Variants in FRMPD4 observed in about 807,000 individuals in gnomAD.
FRMPD4 encodes the protein FERM and PDZ domain-containing protein 4.
A neutral mutation model predicts 94.1 loss-of-function variants in FRMPD4; 22 were observed. That is an observed-to-expected ratio of 0.23 (90% CI 0.17 to 0.33). The LOEUF (loss-of-function observed/expected upper bound fraction) is 0.33, where lower values mean the gene tolerates loss of function less well. Ranked by LOEUF, FRMPD4 falls within the 10% of genes least tolerant of loss-of-function variation. FRMPD4 has a pLI of 1.00. For missense variants in FRMPD4, 1,111 were observed against 1,339.9 expected (o/e 0.83, Z 2.67); for synonymous variants, 631 against 548.6 (o/e 1.15, Z -2.10).
chrX:11,901,130 G>A (rs2053935121), intron 3 of FRMPD4, among the ~76,000 whole-genome samples: 1 of 111,720 alleles, frequency 9.0e-6, no homozygotes, highest in Non-Finnish European at 1.9e-5. Context: ...AGTTTTGGGG[G>A]TACAGGTGGT....
intron 1 of FRMPD4, among the ~76,000 whole-genome samples, chrX:12,414,833 C>T (rs1171763872): frequency 8.9e-6 from 1 of 111,951 alleles, no homozygotes; most frequent in African/African-American, 3.2e-5. Context: ...GTCATTTTCC[C>T]AAGTTGGTTA....
chrX:12,196,885 A>G (rs1417188490), intron 1 of FRMPD4, among the ~76,000 whole-genome samples: 1 of 84,073 alleles, frequency 1.2e-5, no homozygotes, highest in Non-Finnish European at 2.4e-5. Context: ...CTAGAATGTG[A>G]ATATATAAGA....
At chrX:11,908,721 T>C (rs1387608709) in intron 3 of FRMPD4, among the ~76,000 whole-genome samples, 2 of 112,003 alleles carry the variant, frequency 1.8e-5, no homozygotes, top group Non-Finnish European at 3.8e-5. Context: ...GTTCACTAGT[T>C]TTTCATGAAT....
At chrX:12,482,611 A>C (rs1488851188) in intron 1 of FRMPD4, among the ~76,000 whole-genome samples, 1 of 112,138 alleles carries the variant, frequency 8.9e-6, no homozygotes, top group African/African-American at 3.2e-5. Flanking sequence ...ATAGAAGAGC[A>C]CAGTCCAATA....
intron 1 of FRMPD4, among the ~76,000 whole-genome samples, chrX:11,831,068 A>G (rs1396070570): frequency 9.1e-6 from 1 of 110,064 alleles, no homozygotes; most frequent in Non-Finnish European, 1.9e-5. Flanking sequence ...AGCACATACT[A>G]TCTAGTGATA....
At chrX:11,987,791 A>T (rs1316636132) in intron 3 of FRMPD4, among the ~76,000 whole-genome samples, 1 of 111,654 alleles carries the variant, frequency 9.0e-6, no homozygotes, top group Non-Finnish European at 1.9e-5. Context: ...GAACAATCTG[A>T]AAAAGAAATA....
intron 1 of FRMPD4, among the ~76,000 whole-genome samples, chrX:12,369,524 T>C (rs2056133232): frequency 8.9e-6 from 1 of 112,520 alleles, no homozygotes; most frequent in African/African-American, 3.2e-5. Context: ...TAGATTCAAA[T>C]GCATAATTAT....
At chrX:12,620,737 G>A (rs889887738) in intron 4 of FRMPD4, among the ~76,000 whole-genome samples, 1 of 112,372 alleles carries the variant, frequency 8.9e-6, no homozygotes, top group African/African-American at 3.2e-5. Flanking sequence ...CAGTCAACAA[G>A]AGAAGGTCTT....
intron 3 of FRMPD4, among the ~76,000 whole-genome samples, chrX:11,896,693 A>G (rs183960198): frequency 8.9e-6 from 1 of 112,302 alleles, no homozygotes; most frequent in Admixed American, 9.4e-5. Context: ...TCAATGTAAC[A>G]TTAGGAGTCC....
intron 3 of FRMPD4, among the ~76,000 whole-genome samples, chrX:12,001,135 G>A (rs1046356525): frequency 8.9e-6 from 1 of 111,876 alleles, no homozygotes; most frequent in African/African-American, 3.2e-5. Context: ...AGTCAGGTAT[G>A]CACATAACCT....
chrX:12,344,893 G>A (rs1196652087), intron 1 of FRMPD4, among the ~76,000 whole-genome samples: 1 of 111,892 alleles, frequency 8.9e-6, no homozygotes, highest in Non-Finnish European at 1.9e-5. Context: ...ACCCATCCTT[G>A]CACCCCCATC....
At chrX:12,547,834 G>A (rs2058494258) in intron 2 of FRMPD4, among the ~76,000 whole-genome samples, 1 of 111,839 alleles carries the variant, frequency 8.9e-6, no homozygotes, top group African/African-American at 3.2e-5. Flanking sequence ...ATTTGTCAAA[G>A]AATAGAAGGG....
At chrX:11,926,176 A>T (rs2054086610) in intron 3 of FRMPD4, among the ~76,000 whole-genome samples, 1 of 106,768 alleles carries the variant, frequency 9.4e-6, no homozygotes, top group South Asian at 4.3e-4. Context: ...CACCCTCTCA[A>T]GACCGAACCA....
intron 3 of FRMPD4, among the ~76,000 whole-genome samples, chrX:12,105,471 T>C (rs771325053): frequency 1.8e-5 from 2 of 112,453 alleles, no homozygotes; most frequent in South Asian, 7.4e-4. Flanking sequence ...CACACATGTG[T>C]GCACTCATGT....
At chrX:12,038,288 T>A (rs2054731136) in intron 3 of FRMPD4, among the ~76,000 whole-genome samples, 1 of 112,116 alleles carries the variant, frequency 8.9e-6, no homozygotes, top group Admixed American at 9.4e-5. Context: ...TTATCCAAAC[T>A]AGCACTTGAT....
At chrX:11,870,293 G>A (rs995485427) in intron 2 of FRMPD4, among the ~76,000 whole-genome samples, 7 of 111,703 alleles carry the variant, frequency 6.3e-5, no homozygotes, top group Non-Finnish European at 1.3e-4. Flanking sequence ...CACCCCTCAC[G>A]TTTGTGTGGG....
chrX:12,301,424 G>A (rs1261595462), intron 1 of FRMPD4, among the ~76,000 whole-genome samples: 1 of 111,278 alleles, frequency 9.0e-6, no homozygotes, highest in African/African-American at 3.3e-5. Flanking sequence ...TTGCAGCAGT[G>A]GCCACCCCCA....
At chrX:11,999,430 G>A (rs1284556023) in intron 3 of FRMPD4, among the ~76,000 whole-genome samples, 1 of 112,129 alleles carries the variant, frequency 8.9e-6, no homozygotes, top group Non-Finnish European at 1.9e-5. Context: ...AAATTAACAT[G>A]GAGTATTAAT....
At chrX:11,988,436 A>T (rs188724326) in intron 3 of FRMPD4, among the ~76,000 whole-genome samples, 8 of 112,118 alleles carry the variant, frequency 7.1e-5, no homozygotes, top group African/African-American at 1.9e-4. Flanking sequence ...CAAAAATCAA[A>T]TCAAAATGGA....
Sources: allele counts gnomAD v4.1 joint callset (sites outside exome capture counted in the v4.1 genomes callset), GRCh38; gene constraint gnomAD v4.1.1; transcripts MANE v1.5; gene names NCBI Gene and HGNC (gene_info 2026-07-23, HGNC 2026-07-21).